CADM2: variants seen among roughly 807,000 people sequenced by gnomAD.
CADM2 encodes the protein cell adhesion molecule 2.
In CADM2, 12 loss-of-function variants were observed where a neutral mutation model predicts 49.8. The observed-to-expected ratio is 0.24, with a 90% CI of 0.15 to 0.39. The LOEUF (loss-of-function observed/expected upper bound fraction) is 0.39. Ranked by LOEUF, CADM2 falls within the 10% of genes least tolerant of loss-of-function variation. The probability of loss-of-function intolerance (pLI) is 1.00; values close to 1 mark genes in which losing one functional copy is unlikely to be tolerated. For missense variants in CADM2, 378 were observed against 492.3 expected (o/e 0.77, Z 2.20); for synonymous variants, 214 against 175.4 (o/e 1.22, Z -1.74).
chr3:85,948,294 AG>A, intron 7 of CADM2, among the ~76,000 whole-genome samples: 1 of 151,556 alleles, frequency 6.6e-6, no homozygotes, highest in South Asian at 2.1e-4. Flanking sequence ...TATTGCTCTA[AG>A]GCTATTCAAT....
At chr3:86,010,751 A>G (rs1050290418) in intron 8 of CADM2, among the ~76,000 whole-genome samples, 2 of 151,570 alleles carry the variant, frequency 1.3e-5, no homozygotes, top group Non-Finnish European at 3.0e-5. Context: ...TAGAATTTAT[A>G]AAGTCAGTAA....
chr3:85,361,290 G>A (rs1365135745), intron 1 of CADM2, among the ~76,000 whole-genome samples: 1 of 152,108 alleles, frequency 6.6e-6, no homozygotes, highest in African/African-American at 2.4e-5. Context: ...CAAGACAAAG[G>A]AAACATATTT....
At chr3:86,013,359 A>T in intron 8 of CADM2, 5 of 1,542,636 alleles carry the variant, frequency 3.2e-6, no homozygotes, top group Non-Finnish European at 4.5e-6. Flanking sequence ...TGAATTATTG[A>T]TTCTGATGGG....
chr3:85,253,609 A>T (rs1238039765), intron 1 of CADM2, among the ~76,000 whole-genome samples: 2 of 152,042 alleles, frequency 1.3e-5, no homozygotes, highest in African/African-American at 4.8e-5. Context: ...TAGAACTTTT[A>T]AGACTCCTCT....
At chr3:85,339,750 A>G (rs929170399) in intron 1 of CADM2, among the ~76,000 whole-genome samples, 2 of 151,498 alleles carry the variant, frequency 1.3e-5, no homozygotes, top group Non-Finnish European at 3.0e-5. Flanking sequence ...AATTATTTCT[A>G]TGATGGAAAT....
intron 6 of CADM2, among the ~76,000 whole-genome samples, chr3:85,934,387 T>A (rs905642631): frequency 1.6e-4 from 25 of 152,016 alleles, no homozygotes; most frequent in Admixed American, 1.6e-3. Context: ...ATGGAAAAAA[T>A]TAATAAAGTA....
intron 1 of CADM2, among the ~76,000 whole-genome samples, chr3:84,996,102 A>T (rs1209695771): frequency 6.6e-6 from 1 of 152,140 alleles, no homozygotes; most frequent in East Asian, 1.9e-4. Context: ...TGCTGCTGGG[A>T]TTGTTTAGTT....
intron 1 of CADM2, among the ~76,000 whole-genome samples, chr3:85,430,697 G>C (rs544826561): frequency 6.9e-6 from 1 of 144,994 alleles, no homozygotes; most frequent in East Asian, 2.0e-4. Context: ...AACAAAGAGG[G>C]GTGGGGGCAT....
chr3:85,182,362 A>G (rs952309974), intron 1 of CADM2, among the ~76,000 whole-genome samples: 1 of 152,070 alleles, frequency 6.6e-6, no homozygotes, highest in Non-Finnish European at 1.5e-5. Context: ...TTAACCAGTA[A>G]TACCATGTTG....
intron 1 of CADM2, among the ~76,000 whole-genome samples, chr3:85,096,592 G>A (rs928386527): frequency 1.3e-5 from 2 of 151,680 alleles, no homozygotes; most frequent in South Asian, 2.1e-4. Flanking sequence ...ATCTATAAAA[G>A]TATTAGTACA....
chr3:85,426,156 T>G (rs769669449), intron 1 of CADM2, among the ~76,000 whole-genome samples: 1 of 151,944 alleles, frequency 6.6e-6, no homozygotes, highest in African/African-American at 2.4e-5. Context: ...TTTTTTTATG[T>G]TTTGAGACTG....
At position 85,005,691 on chromosome 3, in the gene CADM2, TA is replaced by T. The variant is rs922226180; in HGVS notation, c.61+46034del. Among the ~76,000 whole-genome samples the T allele has an allele frequency of 9.3e-3, 1,355 of 146,340 alleles. 23 individuals carry two copies. The highest frequency in any genetic ancestry group is 0.028 in the African/African-American group (1,109 of 40,158). The stretch of plus-strand genomic sequence containing the variant: ...AGAAGCAGATGGTTCTAAGATCTGA[TA>T]AAAAAAAAAATACAGTTTTTTTTTC... On this transcript the variant is annotated intron_variant, in intron 1 of 9. Coordinates refer to ENST00000383699, the MANE Select transcript of CADM2 (RefSeq NM_001167675.2).
intron 1 of CADM2, among the ~76,000 whole-genome samples, chr3:85,219,391 T>C (rs2041997680): frequency 6.6e-6 from 1 of 152,192 alleles, no homozygotes; most frequent in Non-Finnish European, 1.5e-5. Context: ...AAACGTTCAC[T>C]TCAAAACTGT....
intron 1 of CADM2, among the ~76,000 whole-genome samples, chr3:85,032,215 G>GT (rs71105002): frequency 0.42 from 61,575 of 147,368 alleles, 13,038 homozygotes; most frequent in African/African-American, 0.48. Context: ...CCAGTTACTG[G>GT]TTTTTTTTTT....
Position 85,705,351 on chromosome 3 carries a change from T to C in CADM2, c.62-21171T>C, listed in dbSNP as rs146317246. On this transcript the variant is annotated intron_variant, in intron 1 of 9. Coordinates refer to ENST00000383699, the MANE Select transcript of CADM2 (RefSeq NM_001167675.2). Reference sequence around the variant, plus strand: ...CATTGTAATTCTACAAGTCAGGTACTGTTACTGTCTTTCTCTTATTAGAGA... The same window carrying C: ...CATTGTAATTCTACAAGTCAGGTACCGTTACTGTCTTTCTCTTATTAGAGA... Among the ~76,000 whole-genome samples, 533 of 152,262 alleles carry C rather than the reference T, an allele frequency of 3.5e-3. 2 individuals carry two copies. The highest frequency in any genetic ancestry group is 0.012 in the African/African-American group (504 of 41,556).
At chr3:85,583,508 A>G (rs2062853591) in intron 1 of CADM2, among the ~76,000 whole-genome samples, 1 of 152,142 alleles carries the variant, frequency 6.6e-6, no homozygotes, top group Admixed American at 6.6e-5. Flanking sequence ...TCAACATGAA[A>G]AGCTTTGGAA....
chr3:85,940,233 G>C (rs1022612935), intron 7 of CADM2, among the ~76,000 whole-genome samples: 3 of 151,444 alleles, frequency 2.0e-5, no homozygotes, highest in Admixed American at 1.3e-4. Flanking sequence ...CAGCTACTGG[G>C]GAGGTTGAGC....
chr3:85,555,772 A>G, intron 1 of CADM2, among the ~76,000 whole-genome samples: 1 of 152,112 alleles, frequency 6.6e-6, no homozygotes, highest in East Asian at 1.9e-4. Context: ...GAAAGGCTTC[A>G]CGCTTTGTCA....
At chr3:85,473,308 A>T (rs1206243018) in intron 1 of CADM2, among the ~76,000 whole-genome samples, 2 of 152,048 alleles carry the variant, frequency 1.3e-5, no homozygotes, top group Non-Finnish European at 2.9e-5. Context: ...TGCATAACTC[A>T]TTCTTATTGG....
Sources: allele counts gnomAD v4.1 joint callset (sites outside exome capture counted in the v4.1 genomes callset), GRCh38; gene constraint gnomAD v4.1.1; transcripts MANE v1.5; gene names NCBI Gene and HGNC (gene_info 2026-07-23, HGNC 2026-07-21).